TNRC6C: variants seen among roughly 807,000 people sequenced by gnomAD.
TNRC6C encodes trinucleotide repeat-containing gene 6C protein.
A neutral mutation model predicts 153.7 loss-of-function variants in TNRC6C; 20 were observed. The ratio of observed to expected loss-of-function variants is 0.13; its 90% CI spans 0.09 to 0.19. The LOEUF (loss-of-function observed/expected upper bound fraction) is 0.19, where lower values mean the gene tolerates loss of function less well. Ranked by LOEUF, TNRC6C falls within the 10% of genes least tolerant of loss-of-function variation. The probability of loss-of-function intolerance (pLI) is 1.00; values close to 1 mark genes in which losing one functional copy is unlikely to be tolerated. For missense variants in TNRC6C, 1,987 were observed against 2,172.0 expected, an observed-to-expected ratio of 0.91 and a Z score of 1.69; for synonymous variants, 811 against 841.4, an observed-to-expected ratio of 0.96 and a Z score of 0.63.
chr17:78,102,723 C>A, intron 18 of TNRC6C, 179 bp downstream of exon 21: 1 of 582,504 alleles, frequency 1.7e-6, no homozygotes, highest in Non-Finnish European at 3.0e-6. Context: ...GCAGCGGCAG[C>A]AGATGGGGCC....
intron 2 of TNRC6C, among the ~76,000 whole-genome samples, chr17:78,043,635 A>G (rs2143894683): frequency 6.6e-6 from 1 of 152,290 alleles, no homozygotes; most frequent in African/African-American, 2.4e-5. Flanking sequence ...TTTTAGCTAT[A>G]GTAAGCCTGT....
intron 1 of TNRC6C, among the ~76,000 whole-genome samples, chr17:78,028,141 C>T (rs1017905708): frequency 6.6e-6 from 1 of 152,106 alleles, no homozygotes; most frequent in Non-Finnish European, 1.5e-5. Flanking sequence ...GTGATCTGCC[C>T]GCCTCGGCCT....
At chr17:77,995,103 TA>T (rs2071308444) in intron 1 of TNRC6C, among the ~76,000 whole-genome samples, 1 of 152,162 alleles carries the variant, frequency 6.6e-6, no homozygotes, top group African/African-American at 2.4e-5. Context: ...CTAGTCAGAA[TA>T]AAGAAAGCCT....
At chr17:78,013,583 C>A (rs1213034008) in intron 1 of TNRC6C, among the ~76,000 whole-genome samples, 1 of 152,204 alleles carries the variant, frequency 6.6e-6, no homozygotes, top group Non-Finnish European at 1.5e-5. Context: ...TCTCATGGAG[C>A]TGAGTCTTAT....
intron 1 of TNRC6C, among the ~76,000 whole-genome samples, chr17:77,992,982 T>TTG (rs2071274941): frequency 6.6e-6 from 1 of 152,184 alleles, no homozygotes. Context: ...TATTTTTTTT[T>TTG]TGAGATGGAG....
chr17:78,084,282 G>GA (rs200911250), intron 11 of TNRC6C, among the ~76,000 whole-genome samples: 11,102 of 42,700 alleles, frequency 0.26, 517 homozygotes, highest in East Asian at 0.37. Flanking sequence ...TCCGTCTCAA[G>GA]AAAAAAAAAA....
At chr17:78,033,749 T>C (rs909870039) in intron 2 of TNRC6C, among the ~76,000 whole-genome samples, 3 of 152,234 alleles carry the variant, frequency 2.0e-5, no homozygotes, top group African/African-American at 4.8e-5. Context: ...AATCATTTTA[T>C]GGATTGAAAA....
intron 5 of TNRC6C, among the ~76,000 whole-genome samples, chr17:78,069,698 A>T (rs1184416889): frequency 6.6e-6 from 1 of 152,260 alleles, no homozygotes; most frequent in African/African-American, 2.4e-5. Flanking sequence ...CTTCTACATT[A>T]TACAGAACTA....
chr17:78,070,724 G>A (rs1477921093), intron 5 of TNRC6C, among the ~76,000 whole-genome samples: 2 of 152,152 alleles, frequency 1.3e-5, no homozygotes, highest in African/African-American at 2.4e-5. Flanking sequence ...GGCAAAAAGT[G>A]TAATTTTTAG....
At chr17:77,983,787 A>G (rs1441700401) in intron 1 of TNRC6C, among the ~76,000 whole-genome samples, 1 of 152,158 alleles carries the variant, frequency 6.6e-6, no homozygotes, top group Non-Finnish European at 1.5e-5. Context: ...TATTTTATAT[A>G]TAATTACTGG....
At chr17:78,076,987 T>C (rs2144362914) in intron 8 of TNRC6C, among the ~76,000 whole-genome samples, 198 bp from the exon 11 acceptor site, 1 of 152,380 alleles carries the variant, frequency 6.6e-6, no homozygotes, top group African/African-American at 2.4e-5. Flanking sequence ...ACTTTTAAAC[T>C]GAAAACAGCA....
At chr17:78,007,803 T>C (rs1336888756) in intron 1 of TNRC6C, among the ~76,000 whole-genome samples, 1 of 152,252 alleles carries the variant, frequency 6.6e-6, no homozygotes, top group Non-Finnish European at 1.5e-5. Context: ...ATAATTTTGG[T>C]TTTGATAATT....
At chr17:78,055,918 C>G (rs953383192) in intron 3 of TNRC6C, among the ~76,000 whole-genome samples, 14 of 152,174 alleles carry the variant, frequency 9.2e-5, no homozygotes, top group Non-Finnish European at 1.5e-5. Context: ...ATACCATGAC[C>G]TGCTGACATT....
At chr17:78,050,267 G>T (rs1289618838) in exon 3 of TNRC6C, 3 of 1,546,414 alleles carry the variant, frequency 1.9e-6, no homozygotes, top group Non-Finnish European at 8.7e-7. Context: ...AGTAGTGATG[G>T]TTCTGGCAAC....
chr17:78,069,068 A>G (rs950302939), intron 5 of TNRC6C, among the ~76,000 whole-genome samples: 8 of 152,346 alleles, frequency 5.3e-5, no homozygotes, highest in South Asian at 4.1e-4. Context: ...TTTTGTGTCA[A>G]TAGATAAATG....
exon 3 of TNRC6C, chr17:78,051,351 C>CACCACCACT: frequency 6.4e-7 from 1 of 1,551,568 alleles, no homozygotes; most frequent in Non-Finnish European, 8.7e-7. Context: ...CCACCACCAC[C>CACCACCACT]ACCACCACTA....
chr17:78,039,309 G>GCCCCCCCCCCCCCCCCCC (rs11306576), intron 2 of TNRC6C, among the ~76,000 whole-genome samples: 1 of 113,462 alleles, frequency 8.8e-6, no homozygotes, highest in African/African-American at 3.6e-5. Flanking sequence ...TTCAAATCTT[G>GCCCCCCCCCCCCCCCCCC]CCCCCCCCCC....
chr17:78,090,422 A>G (rs538958687), intron 13 of TNRC6C, among the ~76,000 whole-genome samples: 3 of 152,326 alleles, frequency 2.0e-5, no homozygotes, highest in Admixed American at 2.0e-4. Flanking sequence ...CTGGCTAAGT[A>G]GTAGAGGCTC....
intron 16 of TNRC6C, among the ~76,000 whole-genome samples, chr17:78,094,460 A>G (rs2073448365): frequency 2.8e-5 from 4 of 142,042 alleles, no homozygotes; most frequent in South Asian, 2.2e-4. Context: ...TTTTTTTGAG[A>G]CAGATTCTCG....
Sources: allele counts gnomAD v4.1 joint callset (sites outside exome capture counted in the v4.1 genomes callset), GRCh38; gene constraint gnomAD v4.1.1; transcripts MANE v1.5; gene names NCBI Gene and HGNC (gene_info 2026-07-23, HGNC 2026-07-21).